The following ZNF76 variants were observed in gnomAD, a reference collection of about 807,000 sequenced individuals.
ZNF76 encodes zinc finger protein 523.
In ZNF76, 66 loss-of-function variants were observed where a neutral mutation model predicts 66.9. The observed-to-expected ratio is 0.99, with a 90% confidence interval of 0.81 to 1.21. ZNF76 has a LOEUF of 1.21. Ranked by LOEUF, ZNF76 falls within the 50% of genes most tolerant of loss-of-function variation. The probability of loss-of-function intolerance (pLI) is 0.00; values close to 1 mark genes in which losing one functional copy is unlikely to be tolerated. For missense variants in ZNF76, 729 were observed against 760.3 expected (o/e 0.96, Z 0.48); for synonymous variants, 275 against 296.1 (o/e 0.93, Z 0.73).
At chr6:35,275,540 A>T (rs1032219897) in intron 1 of ZNF76, among the ~76,000 whole-genome samples, 1 of 152,120 alleles carries the variant, frequency 6.6e-6, no homozygotes, top group Non-Finnish European at 1.5e-5. Context: ...GAAAGAAAGT[A>T]CAGGGAGAAA....
chr6:35,285,455 T>A (rs1003924355), intron 2 of ZNF76, among the ~76,000 whole-genome samples: 1 of 152,226 alleles, frequency 6.6e-6, no homozygotes, highest in Admixed American at 6.5e-5. Flanking sequence ...TTCCCAGTTT[T>A]TTATATTCGT....
intron 1 of ZNF76, among the ~76,000 whole-genome samples, chr6:35,270,819 A>G (rs1786937030): frequency 6.6e-6 from 1 of 152,130 alleles, no homozygotes; most frequent in Admixed American, 6.5e-5. Flanking sequence ...AGCCTCCCAA[A>G]GTGCTGGGAT....
At chr6:35,275,011 C>T (rs912442700) in intron 1 of ZNF76, among the ~76,000 whole-genome samples, 44 of 152,104 alleles carry the variant, frequency 2.9e-4, no homozygotes, top group Admixed American at 1.1e-3. Flanking sequence ...AAAAATTAGC[C>T]GGGCGTGGTG....
In ZNF76 at chr6:35,290,725, C is replaced by T. The variant is rs1369768676; in HGVS notation, c.625+9C>T. 1.9e-6 allele frequency: 3 copies of T among 1,613,978 alleles called. No homozygotes were observed. The highest frequency in any genetic ancestry group is 2.2e-5 in the South Asian group (2 of 91,080). On this transcript the variant is annotated intron_variant, in intron 7 of 13. Transcript: ENST00000373953. Reference sequence around the variant, plus strand: ...AAAGGCCTTTGCCACAGGTAACCTGCCTGGTGGGCTGCTTCCAGTTGAGGG... The same window carrying T: ...AAAGGCCTTTGCCACAGGTAACCTGTCTGGTGGGCTGCTTCCAGTTGAGGG...
intron 1 of ZNF76, among the ~76,000 whole-genome samples, chr6:35,272,048 T>A (rs1048134291): frequency 1.3e-5 from 2 of 152,136 alleles, no homozygotes; most frequent in Non-Finnish European, 2.9e-5. Flanking sequence ...AAGGCTGCAG[T>A]GGGCTATGAT....
Position 35,267,035 on chromosome 6 carries a change from G to A in ZNF76, c.-97+7194G>A, listed in dbSNP as rs556533885. Among the ~76,000 whole-genome samples the A allele has an allele frequency of 5.6e-4, 85 of 151,992 alleles. 1 individual carries two copies. The South Asian group carries it at 7.3e-3, about 13-fold the overall frequency. ...AGGATGGTCTCTATCTCCTGACTTT[G>A]TGATCCGCCCGCCTTGGCCTCCCAA... On this transcript the variant is annotated intron_variant, in intron 1 of 13. Coordinates refer to ENST00000373953, the MANE Select transcript of ZNF76 (RefSeq NM_003427.5).
chr6:35,288,165 C>A, intron 5 of ZNF76: 1 of 552,614 alleles, frequency 1.8e-6, no homozygotes. Flanking sequence ...TTAGGCCCAG[C>A]TTCACTTTGG....
chr6:35,282,810 TC>T (rs1286083914), intron 2 of ZNF76, among the ~76,000 whole-genome samples: 1 of 151,666 alleles, frequency 6.6e-6, no homozygotes, highest in Non-Finnish European at 1.5e-5. Flanking sequence ...CCCCTTAATC[TC>T]ATCAGTAAGC....
intron 1 of ZNF76, among the ~76,000 whole-genome samples, chr6:35,276,935 T>G (rs552177848): frequency 6.6e-6 from 1 of 150,776 alleles, no homozygotes; most frequent in East Asian, 1.9e-4. Flanking sequence ...TAGCTAGGCA[T>G]GTGCTACCAC....
rs973565916 is a variant in ZNF76 at position 35,259,832 on chromosome 6, G to C, written c.-106G>C. Reference sequence around the variant, plus strand: ...GGTCTGTCGGCGGAGTCGCCCTCGGGGGCTGTCAGGTTGGTGGCTGCGGGA... The same window carrying C: ...GGTCTGTCGGCGGAGTCGCCCTCGGCGGCTGTCAGGTTGGTGGCTGCGGGA... On this transcript the variant is annotated 5_prime_UTR_variant, in exon 1 of 14. Transcript: ENST00000373953. The C allele has an allele frequency of 1.2e-4, 18 of 152,656 alleles. No homozygotes were observed. Among genetic ancestry groups the C allele is most frequent in the African/African-American group, 4.1e-4 (17 of 41,448 alleles). The allele number at this position is 152,656 out of a possible 1,614,324, so 9.5% of individuals were successfully genotyped here.
chr6:35,281,738 C>G (rs1276059770), intron 2 of ZNF76, among the ~76,000 whole-genome samples: 3 of 151,892 alleles, frequency 2.0e-5, no homozygotes, highest in African/African-American at 7.3e-5. Flanking sequence ...GGAGACCAGC[C>G]TGGGCAACAT....
intron 1 of ZNF76, among the ~76,000 whole-genome samples, chr6:35,260,975 G>A (rs1355855259): frequency 1.3e-5 from 2 of 152,102 alleles, no homozygotes; most frequent in Non-Finnish European, 2.9e-5. Context: ...GGCCCCATCA[G>A]TTAACATGTT....
intron 1 of ZNF76, among the ~76,000 whole-genome samples, chr6:35,268,381 C>T (rs559203416): frequency 1.3e-5 from 2 of 152,184 alleles, no homozygotes; most frequent in East Asian, 1.9e-4. Flanking sequence ...TAAGATATAG[C>T]TCATCCTAAT....
intron 6 of ZNF76, 92 bp from the exon 7 acceptor site, chr6:35,290,549 C>T: frequency 6.5e-7 from 1 of 1,533,924 alleles, no homozygotes; most frequent in South Asian, 1.2e-5. Flanking sequence ...ATGAATGGTA[C>T]AGGAGGGAAG....
chr6:35,280,528 C>G (rs1302041488), intron 1 of ZNF76, among the ~76,000 whole-genome samples: 1 of 137,804 alleles, frequency 7.3e-6, no homozygotes, highest in Non-Finnish European at 1.6e-5. Flanking sequence ...CCCCCCCCCC[C>G]CGCCCTGAAG....
rs1790170652 is a variant in ZNF76 at position 35,290,263 on chromosome 6, C to T, written c.433-3C>T. On this transcript the variant is annotated splice_polypyrimidine_tract_variant and splice_region_variant and intron_variant, in intron 5 of 13. Coordinates refer to ENST00000373953, the MANE Select transcript of ZNF76 (RefSeq NM_003427.5). ...TATAGGGATCTCAAGACTTTTCCCC[C>T]AGGTTCTTCATGACAGCCAGATTCC... The T allele has an allele frequency of 6.2e-7, 1 of 1,614,154 alleles. No individual in the cohort carries two copies.
intron 2 of ZNF76, among the ~76,000 whole-genome samples, chr6:35,283,809 T>C (rs1332339647): frequency 6.6e-6 from 1 of 152,186 alleles, no homozygotes; most frequent in African/African-American, 2.4e-5. Context: ...GCTCTGTGGG[T>C]GGGAGGGAAG....
At chr6:35,261,813 C>T (rs1671753968) in intron 1 of ZNF76, among the ~76,000 whole-genome samples, 2 of 152,128 alleles carry the variant, frequency 1.3e-5, no homozygotes, top group South Asian at 4.2e-4. Flanking sequence ...CCAAGACTGG[C>T]CCTGACCCCC....
At chr6:35,276,410 C>T (rs183933730) in intron 1 of ZNF76, among the ~76,000 whole-genome samples, 1 of 152,316 alleles carries the variant, frequency 6.6e-6, no homozygotes, top group Admixed American at 6.5e-5. Flanking sequence ...TCTTCCTTCC[C>T]CTCCTCCTGA....
Sources: gnomAD v4.1 joint callset for allele counts (sites outside exome capture counted in the v4.1 genomes callset) on GRCh38, gnomAD v4.1.1 for gene constraint, MANE v1.5 for transcripts, NCBI Gene and HGNC (gene_info 2026-07-23, HGNC 2026-07-21) for gene names.